Variants in TMEM181 observed in about 807,000 individuals in gnomAD.
The protein encoded by TMEM181 is transmembrane protein 181.
Under a neutral mutation model 71.9 loss-of-function variants are expected in TMEM181, and 39 were observed. The observed-to-expected ratio is 0.54, with a 90% confidence interval of 0.42 to 0.71. The LOEUF is 0.71. Among genes scored for constraint, TMEM181 ranks in the 30% least tolerant of loss-of-function variants. TMEM181 has a pLI of 0.00. For synonymous variants in TMEM181, 245 were observed against 228.8 expected, an observed-to-expected ratio of 1.07 and a Z score of -0.64; for missense variants, 595 against 583.0, an observed-to-expected ratio of 1.02 and a Z score of -0.21.
intron 8 of TMEM181, among the ~76,000 whole-genome samples, chr6:158,607,975 C>T (rs1028174713): frequency 6.6e-6 from 1 of 152,262 alleles, no homozygotes; most frequent in African/African-American, 2.4e-5. Flanking sequence ...GTCGGAACTC[C>T]CAGGCTCCGG....
At chr6:158,581,199 C>G (rs1306609341) in intron 3 of TMEM181, among the ~76,000 whole-genome samples, 1 of 152,234 alleles carries the variant, frequency 6.6e-6, no homozygotes, top group Admixed American at 6.5e-5. Flanking sequence ...ATAAACACCT[C>G]AGTACTTAGG....
chr6:158,626,056 G>C (rs540209439), intron 13 of TMEM181, among the ~76,000 whole-genome samples: 1 of 152,218 alleles, frequency 6.6e-6, no homozygotes, highest in African/African-American at 2.4e-5. Flanking sequence ...CCAGCTGGAA[G>C]TAAGGGCACT....
intron 6 of TMEM181, among the ~76,000 whole-genome samples, 170 bp downstream of exon 6, chr6:158,589,952 C>T (rs1005977165): frequency 6.6e-6 from 1 of 152,124 alleles, no homozygotes; most frequent in African/African-American, 2.4e-5. Context: ...GTATATAGAA[C>T]TAAGAATAGC....
At position 158,620,267 on chromosome 6, in the gene TMEM181, C is replaced by G. The variant is rs536835951; in HGVS notation, c.897-3283C>G. Among the ~76,000 whole-genome samples, 3 of 152,108 alleles carry G rather than the reference C, an allele frequency of 2.0e-5. No homozygotes were observed. Among genetic ancestry groups the G allele is most frequent in the Admixed American group, 6.5e-5 (1 of 15,268 alleles). ...CCCCAGACAAGAGACCTGGAATCTT[C>G]TTTCCAAAGAGGACAGTTAAGCTGA... On this transcript the variant is annotated intron_variant, in intron 10 of 16. Transcript: ENST00000684151. The surrounding 1 kb of genome is among the most constrained non-coding windows in gnomAD (Gnocchi z 4.5).
intron 10 of TMEM181, chr6:158,610,283 GA>G: frequency 3.5e-6 from 1 of 285,968 alleles, no homozygotes; most frequent in South Asian, 5.7e-5. Flanking sequence ...TAGTAACATG[GA>G]AAATGAGGGT....
chr6:158,582,982 C>T (rs775716402), intron 3 of TMEM181, among the ~76,000 whole-genome samples: 1 of 152,080 alleles, frequency 6.6e-6, no homozygotes, highest in Non-Finnish European at 1.5e-5. Flanking sequence ...TGCTTGTAAT[C>T]CCAGCACTTT....
At chr6:158,587,632 C>CTTT (rs566949570) in intron 5 of TMEM181, among the ~76,000 whole-genome samples, 436 of 141,698 alleles carry the variant, frequency 3.1e-3, no homozygotes, top group African/African-American at 0.011. Flanking sequence ...GCCTGGCTTC[C>CTTT]TTTTTTTTTT....
rs188004361 is a variant in TMEM181 at position 158,560,751 on chromosome 6, C to T, written c.8+519C>T. Among the ~76,000 whole-genome samples, 611 of 152,278 alleles carry T rather than the reference C, an allele frequency of 4.0e-3. 4 individuals are homozygous for T. Among genetic ancestry groups the T allele is most frequent in the African/African-American group, 0.014 (566 of 41,566 alleles). On this transcript the variant is annotated intron_variant, in intron 1 of 16. Transcript: ENST00000684151. The stretch of plus-strand genomic sequence containing the variant: ...GCACCGGGGAGCCTGCCGCAACAGC[C>T]CCTTTGGACTCGGGGTGTCGAGTTA...
At chr6:158,546,159 C>T (rs1312543089) in intron 1 of TMEM181, among the ~76,000 whole-genome samples, 1 of 152,184 alleles carries the variant, frequency 6.6e-6, no homozygotes, top group Non-Finnish European at 1.5e-5. Flanking sequence ...AAGCATGCTC[C>T]TGCCTCGTGG....
chr6:158,625,803 A>ACTGT lies in TMEM181; in HGVS notation c.1109+51_1109+54dup, dbSNP rs765213632. 3 of 1,519,288 alleles carry ACTGT rather than the reference A, an allele frequency of 2.0e-6. No individual in the cohort carries two copies. The South Asian group carries it at 3.5e-5, about 18-fold the overall frequency. The allele number at this position is 1,519,288 out of a possible 1,614,324, so 94.1% of individuals were successfully genotyped here. ...AACAGCAAAACGGAATTTTTCTTTT[A>ACTGT]CTGTCAGGAATATCTGTTGCCTCCT... is the stretch of plus-strand genomic sequence containing the variant. On this transcript the variant is annotated intron_variant, in intron 13 of 16. Transcript: ENST00000684151.
chr6:158,562,362 G>A (rs1360172352), intron 1 of TMEM181, among the ~76,000 whole-genome samples: 1 of 152,082 alleles, frequency 6.6e-6, no homozygotes, highest in Non-Finnish European at 1.5e-5. Context: ...GAGCTACAGG[G>A]CTGCACGGAG....
At chr6:158,541,765 G>A (rs1380952230) in intron 1 of TMEM181, among the ~76,000 whole-genome samples, 4 of 152,094 alleles carry the variant, frequency 2.6e-5, no homozygotes, top group Admixed American at 2.6e-4. Context: ...CATATCAGAG[G>A]GCCTCATCTT....
At chr6:158,583,518 A>G (rs1783591214) in intron 3 of TMEM181, among the ~76,000 whole-genome samples, 1 of 151,610 alleles carries the variant, frequency 6.6e-6, no homozygotes, top group African/African-American at 2.4e-5. Context: ...GGAAAACCTC[A>G]TGGCCGGGCG....
At chr6:158,589,992 A>C (rs1220309588) in intron 6 of TMEM181, among the ~76,000 whole-genome samples, 1 of 152,220 alleles carries the variant, frequency 6.6e-6, no homozygotes, top group Non-Finnish European at 1.5e-5. Context: ...GGCAAACCTT[A>C]GGTGTCTGAG....
At chr6:158,571,398 G>GCTGGGATTATAGGCA (rs1782827543) in intron 1 of TMEM181, among the ~76,000 whole-genome samples, 1 of 84,154 alleles carries the variant, frequency 1.2e-5, no homozygotes, top group Non-Finnish European at 2.7e-5. Flanking sequence ...CCTTGGCCTT[G>GCTGGGATTATAGGCA]TGATCTGCCC....
intron 5 of TMEM181, 106 bp downstream of exon 5, chr6:158,585,531 A>T (rs777878100): frequency 1.8e-4 from 235 of 1,291,972 alleles, no homozygotes; most frequent in Non-Finnish European, 2.3e-4. Context: ...GGCTTCGAGA[A>T]ATTGTTCTTA....
chr6:158,591,711 C>T (rs1784120077), intron 6 of TMEM181, among the ~76,000 whole-genome samples: 1 of 152,074 alleles, frequency 6.6e-6, no homozygotes, highest in Non-Finnish European at 1.5e-5. Context: ...CTCTCCCTTT[C>T]ATCATCTTCT....
intron 2 of TMEM181, among the ~76,000 whole-genome samples, chr6:158,574,737 TCTGC>T (rs1012373612): frequency 2.3e-4 from 35 of 152,290 alleles, no homozygotes; most frequent in African/African-American, 7.7e-4. Flanking sequence ...TATCTACCTA[TCTGC>T]CTGCCTGCCT....
Position 158,620,774 on chromosome 6 carries a change from C to T in TMEM181, c.897-2776C>T, listed in dbSNP as rs1785909294. On this transcript the variant is annotated intron_variant, in intron 10 of 16. Coordinates refer to ENST00000684151, the MANE Select transcript of TMEM181 (RefSeq NM_001376852.1). This position sits in a 1 kb window ranked among gnomAD's most constrained non-coding sequence, Gnocchi z 4.5. ...GACAAGCTGCCGCTGCCCACTGCTT[C>T]CTGGGTTGCAAGAGAGCCTCTGTCC... 6.6e-6 allele frequency among the ~76,000 whole-genome samples: 1 copy of T among 152,224 alleles called. No homozygotes were observed. The highest frequency in any genetic ancestry group is 2.1e-4 in the South Asian group (1 of 4,830).
Sources: allele counts gnomAD v4.1 joint callset (sites outside exome capture counted in the v4.1 genomes callset), GRCh38; gene constraint gnomAD v4.1.1; non-coding constraint Gnocchi (gnomAD v3.1); transcripts MANE v1.5; gene names NCBI Gene and HGNC (gene_info 2026-07-23, HGNC 2026-07-21).